Variants in MACROH2A1 observed in about 807,000 individuals in gnomAD.
MACROH2A1 encodes the protein core histone macro-H2A.1.
MACROH2A1 carries 2 observed loss-of-function variants against 31.6 expected under a neutral mutation model. That is an observed-to-expected ratio of 0.06 (90% CI 0.03 to 0.20). MACROH2A1 has a LOEUF of 0.20. Ranked by LOEUF, MACROH2A1 falls within the 10% of genes least tolerant of loss-of-function variation. The pLI is 1.00. For synonymous variants in MACROH2A1, 169 were observed against 189.6 expected (o/e 0.89, Z 0.89); for missense variants, 230 against 474.0 (o/e 0.49, Z 4.78).
At chr5:135,396,321 G>C (rs1357480878) in intron 1 of MACROH2A1, among the ~76,000 whole-genome samples, 1 of 152,180 alleles carries the variant, frequency 6.6e-6, no homozygotes, top group Non-Finnish European at 1.5e-5. Context: ...CCGAGTAGAC[G>C]TGTTCCCAAT....
intron 1 of MACROH2A1, chr5:135,389,400 G>A (rs1337819618): frequency 1.6e-5 from 4 of 253,544 alleles, no homozygotes; most frequent in Non-Finnish European, 2.2e-5. Flanking sequence ...GGGATTTCTT[G>A]GCCACATTCT....
intron 5 of MACROH2A1, chr5:135,354,978 T>C (rs1761999324): frequency 4.7e-6 from 2 of 424,948 alleles, no homozygotes; most frequent in Non-Finnish European, 9.4e-6. Context: ...TTAAGGCACC[T>C]ATAAATTCCT....
chr5:135,362,907 TAAG>T (rs1763016305), intron 4 of MACROH2A1: 1 of 152,068 alleles, frequency 6.6e-6, no homozygotes, highest in East Asian at 1.9e-4. Flanking sequence ...AAAAGAGAAA[TAAG>T]GAGAAAATAA....
chr5:135,389,518 T>C (rs541921559), intron 1 of MACROH2A1, among the ~76,000 whole-genome samples: 1 of 152,264 alleles, frequency 6.6e-6, no homozygotes, highest in Admixed American at 6.5e-5. Context: ...CCTAAAAAGA[T>C]GATGTAAAGG....
rs115388359 is a variant in MACROH2A1, at chr5:135,358,815, G to A, written c.588+1682C>T. On this transcript the variant is annotated intron_variant, in intron 5 of 8. Coordinates refer to ENST00000511689, the MANE Select transcript of MACROH2A1 (RefSeq NM_138610.3). ...TTATTAGCCAAAATTTTACTCTACT[G>A]TACTTTATTTTTATTCGTGTGATGC... 7.4e-4 allele frequency: 733 copies of A among 984,962 alleles called. 5 individuals are homozygous for A. In the African/African-American group the frequency reaches 0.011, roughly 14 times the overall value. 61.0% of individuals were successfully genotyped at this position (984,962 alleles called of 1,614,324 possible). A position where few individuals can be genotyped will look rare whatever the true frequency, so the allele number is the denominator to read the frequency against.
chr5:135,359,274 T>C, intron 5 of MACROH2A1: 1 of 985,304 alleles, frequency 1.0e-6, no homozygotes, highest in Non-Finnish European at 1.2e-6. Context: ...GGAAGTAATG[T>C]GGATGGGTCA....
Position 135,369,695 on chromosome 5 carries a change from G to A in MACROH2A1, c.280-92C>T, listed in dbSNP as rs1309913191. 13 of 1,009,066 alleles carry A rather than the reference G, an allele frequency of 1.3e-5. No individual in the cohort carries two copies. The highest frequency in any genetic ancestry group is 2.0e-5 in the Non-Finnish European group (13 of 652,790). 62.5% of individuals were successfully genotyped at this position (1,009,066 alleles called of 1,614,324 possible). ...CCCTGCCCAGGACAGTCTTGCTTTG[G>A]GTTGGTGCAGCTCCTTCCTCCATGG... On this transcript the variant is annotated intron_variant, in intron 3 of 8. Transcript: ENST00000511689. The surrounding 1 kb of genome is among the most constrained non-coding windows in gnomAD (Gnocchi z 4.3).
Position 135,362,718 on chromosome 5 carries a change from A to G in MACROH2A1, c.478-2111T>C, listed in dbSNP as rs73789321. On this transcript the variant is annotated intron_variant, in intron 4 of 8. Coordinates refer to ENST00000511689, the MANE Select transcript of MACROH2A1 (RefSeq NM_138610.3). ...TGTAATGCATTTGTCAGTTTGATCA[A>G]TTGTATATTATTAATAAATGTGCTA... 6.4e-3 allele frequency: 982 copies of G among 152,322 alleles called. 12 individuals are homozygous for G. Among genetic ancestry groups the G allele is most frequent in the African/African-American group, 0.022 (932 of 41,570 alleles). 9.4% of individuals were successfully genotyped at this position (152,322 alleles called of 1,614,324 possible).
chr5:135,375,978 T>C (rs540287412), intron 2 of MACROH2A1, among the ~76,000 whole-genome samples: 1 of 152,194 alleles, frequency 6.6e-6, no homozygotes, highest in Non-Finnish European at 1.5e-5. Flanking sequence ...TGGCTCTGAG[T>C]GTTTGCAGCC....
chr5:135,366,482 C>T (rs1327229199), intron 4 of MACROH2A1, among the ~76,000 whole-genome samples: 1 of 151,920 alleles, frequency 6.6e-6, no homozygotes, highest in African/African-American at 2.4e-5. Context: ...TGTTCTGCAA[C>T]CTGCCAAGAT....
Position 135,352,938 on chromosome 5 carries a change from C to A in MACROH2A1, c.688+8G>T. On this transcript the variant is annotated splice_region_variant and intron_variant, in intron 6 of 8. Coordinates refer to ENST00000511689, the MANE Select transcript of MACROH2A1 (RefSeq NM_138610.3). The stretch of plus-strand genomic sequence containing the variant: ...CAGCTGGTGGTGCCGAACCCCGTCC[C>A]CAATTACCTAGGTCATCTTTAAGGT... The A allele has an allele frequency of 7.0e-7, 1 of 1,424,510 alleles. No individual in the cohort carries two copies. The highest frequency in any genetic ancestry group is 9.9e-7 in the Non-Finnish European group (1 of 1,006,836). The allele number at this position is 1,424,510 out of a possible 1,614,324, so 88.2% of individuals were successfully genotyped here. A position where few individuals can be genotyped will look rare whatever the true frequency, so the allele number is the denominator to read the frequency against.
chr5:135,392,660 G>T (rs947103000), intron 1 of MACROH2A1, among the ~76,000 whole-genome samples: 6 of 152,186 alleles, frequency 3.9e-5, no homozygotes, highest in African/African-American at 1.4e-4. Context: ...AGAGGTTTAT[G>T]CAGGTGTGGG....
intron 1 of MACROH2A1, among the ~76,000 whole-genome samples, chr5:135,392,151 G>T (rs1254022947): frequency 6.6e-6 from 1 of 152,132 alleles, no homozygotes; most frequent in East Asian, 1.9e-4. Flanking sequence ...GCCTCCCTCT[G>T]CCATGGAGGC....
chr5:135,339,615 G>A lies in MACROH2A1; in HGVS notation c.953+3645C>T, dbSNP rs536005939. ...AGGTGGATTCTGGTATTCTTTGTCT[G>A]TCACTTAGGGTATAGACATTCTTCT... On this transcript the variant is annotated intron_variant, in intron 8 of 8. Coordinates refer to ENST00000511689, the MANE Select transcript of MACROH2A1 (RefSeq NM_138610.3). 7.9e-5 allele frequency among the ~76,000 whole-genome samples: 12 copies of A among 152,302 alleles called. No individual in the cohort carries two copies. In the East Asian group the frequency reaches 2.3e-3, roughly 29 times the overall value.
chr5:135,336,980 G>A (rs1475758699), intron 8 of MACROH2A1, among the ~76,000 whole-genome samples: 1 of 152,248 alleles, frequency 6.6e-6, no homozygotes, highest in East Asian at 1.9e-4. Flanking sequence ...GGCTTCTGGA[G>A]CAGGCAGAGC....
chr5:135,396,530 C>T (rs1581393567), intron 1 of MACROH2A1, among the ~76,000 whole-genome samples: 1 of 152,134 alleles, frequency 6.6e-6, no homozygotes, highest in South Asian at 2.1e-4. Flanking sequence ...TTCTTTTCTT[C>T]TAAGATGCAC....
intron 4 of MACROH2A1, among the ~76,000 whole-genome samples, chr5:135,364,262 G>C (rs1427582857): frequency 1.3e-5 from 2 of 152,164 alleles, no homozygotes; most frequent in African/African-American, 4.8e-5. Context: ...CTGGGGGAAG[G>C]ATAGCATTAG....
chr5:135,349,849 G>A (rs1351525835), intron 6 of MACROH2A1, among the ~76,000 whole-genome samples: 1 of 152,156 alleles, frequency 6.6e-6, no homozygotes, highest in East Asian at 1.9e-4. Flanking sequence ...AAGGTGCTTT[G>A]CTTACATTTA....
chr5:135,360,763 T>C, intron 4 of MACROH2A1, 156 bp from the exon 5 acceptor site: 1 of 704,558 alleles, frequency 1.4e-6, no homozygotes, highest in Non-Finnish European at 2.6e-6. Flanking sequence ...CTCAGACTCA[T>C]TTTGAGGTAC....
Sources: gnomAD v4.1 joint callset for allele counts (sites outside exome capture counted in the v4.1 genomes callset) on GRCh38, gnomAD v4.1.1 for gene constraint, Gnocchi (gnomAD v3.1) non-coding constraint, MANE v1.5 for transcripts, NCBI Gene and HGNC (gene_info 2026-07-23, HGNC 2026-07-21) for gene names.